The following PTPRS variants were observed in gnomAD, a reference collection of about 807,000 sequenced individuals.
PTPRS encodes protein tyrosine phosphatase receptor type S, also known as receptor-type tyrosine-protein phosphatase S.
In PTPRS, 63 loss-of-function variants were observed where a neutral mutation model predicts 215.3. That is an observed-to-expected ratio of 0.29 (90% CI 0.24 to 0.36). PTPRS has a LOEUF of 0.36. PTPRS is among the 10% of genes least tolerant of loss of function. The pLI is 1.00. For missense variants in PTPRS, 2,258 were observed against 2,825.8 expected (o/e 0.80, Z 4.56); for synonymous variants, 1,404 against 1,191.4 (o/e 1.18, Z -3.68).
At chr19:5,325,203 T>C (rs2050137266) in intron 1 of PTPRS, among the ~76,000 whole-genome samples, 1 of 152,118 alleles carries the variant, frequency 6.6e-6, no homozygotes, top group Non-Finnish European at 1.5e-5. Flanking sequence ...AGCTGACAGG[T>C]AGAGAGGAGC....
At chr19:5,326,966 C>G (rs1274031887) in intron 1 of PTPRS, among the ~76,000 whole-genome samples, 5 of 152,130 alleles carry the variant, frequency 3.3e-5, no homozygotes, top group Non-Finnish European at 7.4e-5. Flanking sequence ...TCGGCACAGA[C>G]CTAGAGAGTC....
chr19:5,214,220 T>A, intron 30 of PTPRS, 141 bp downstream of exon 30: 2 of 1,233,046 alleles, frequency 1.6e-6, no homozygotes, highest in Non-Finnish European at 1.1e-6. Context: ...GTGGGTTCCA[T>A]GAGAATGTAG....
intron 1 of PTPRS, among the ~76,000 whole-genome samples, chr19:5,305,774 TTA>T (rs2049468874): frequency 2.2e-5 from 3 of 138,860 alleles, no homozygotes; most frequent in Non-Finnish European, 3.1e-5. Context: ...TATTTTTTTT[TTA>T]AAGGCAAATT....
intron 1 of PTPRS, among the ~76,000 whole-genome samples, chr19:5,328,909 C>A (rs999344246): frequency 5.9e-5 from 9 of 152,156 alleles, no homozygotes; most frequent in African/African-American, 2.2e-4. Context: ...CTGTGAGCTG[C>A]CGAGGCAGGG....
At chr19:5,221,352 C>G (rs1051618244) in intron 19 of PTPRS, 99 bp from the exon 20 acceptor site, 29 of 1,453,990 alleles carry the variant, frequency 2.0e-5, no homozygotes, top group Non-Finnish European at 6.4e-6. Flanking sequence ...GAGCCCTGAT[C>G]CCACTGAATC....
chr19:5,263,098 T>C (rs756309712), intron 5 of PTPRS, 126 bp from the exon 6 acceptor site: 56 of 761,990 alleles, frequency 7.3e-5, no homozygotes, highest in African/African-American at 4.4e-4. Context: ...AGAATAATAA[T>C]AACAACATTT....
At chr19:5,309,835 G>A (rs10425428) in intron 1 of PTPRS, among the ~76,000 whole-genome samples, 23,866 of 151,702 alleles carry the variant, frequency 0.16, 1,896 homozygotes, top group African/African-American at 0.17. Flanking sequence ...GATCTGTGCC[G>A]TCCCCTCTGC....
At position 5,339,913 on chromosome 19, in the gene PTPRS, T is replaced by C. The variant is rs561490186; in HGVS notation, c.-95+751A>G. Among the ~76,000 whole-genome samples the C allele has an allele frequency of 2.9e-3, 444 of 151,562 alleles. 5 individuals carry two copies. Among genetic ancestry groups the C allele is most frequent in the African/African-American group, 1.0e-2 (412 of 41,386 alleles). ...GTGCGCGTCTGCCTGCCAGAGCCCC[T>C]GGGGCTGGGGGCTGAGGCTCGCCCC... On this transcript the variant is annotated intron_variant, in intron 1 of 37. Transcript: ENST00000262963. This position sits in a 1 kb window ranked among gnomAD's most constrained non-coding sequence, Gnocchi z 4.2.
chr19:5,302,375 C>T (rs188557538), intron 1 of PTPRS, among the ~76,000 whole-genome samples: 4 of 152,206 alleles, frequency 2.6e-5, no homozygotes, highest in Admixed American at 6.5e-5. Flanking sequence ...GAAACAACAA[C>T]TTTCATGCCA....
rs947853327 is a variant in PTPRS at position 5,293,987 on chromosome 19, G to T, written c.-94-7753C>A. On this transcript the variant is annotated intron_variant, in intron 1 of 37. Transcript: ENST00000262963. The surrounding 1 kb of genome is among the most constrained non-coding windows in gnomAD (Gnocchi z 8.4). ...GGCGGCCAATCCGAGCCAGCGTTGC[G>T]CCCGGGGTGCGGGTTTGAAAACTCC... Among the ~76,000 whole-genome samples, 1 of 152,192 alleles carries T rather than the reference G, an allele frequency of 6.6e-6. No homozygotes were observed.
In PTPRS at chr19:5,265,193, T is replaced by C; in HGVS notation, c.383A>G (p.Asp128Gly). ...VHAKLTVLRE[D>G]QLPSGFPNID... ...GTTGGGGAAGCCAGAGGGCAGCTGG[T>C]CCTCTGAGGGCAGAGACGTGAGAGA... The change falls in exon 5 of 38, where the codon GAC becomes GGC. Residue 128 changes from aspartate to glycine, a missense_variant. Asp to Gly is a moderately conservative substitution (Grantham distance 94). Coordinates refer to ENST00000262963, the MANE Select transcript of PTPRS (RefSeq NM_002850.4). 1 of 1,613,126 alleles carries C rather than the reference T, an allele frequency of 6.2e-7. No homozygotes were observed. Among genetic ancestry groups the C allele is most frequent in the Non-Finnish European group, 8.5e-7 (1 of 1,179,414 alleles).
chr19:5,228,294 G>A (rs1407193410), intron 16 of PTPRS, among the ~76,000 whole-genome samples: 3 of 137,824 alleles, frequency 2.2e-5, no homozygotes, highest in African/African-American at 5.6e-5. Context: ...GCAGTGAGCC[G>A]AGATGGCGCC....
chr19:5,214,192 GT>G (rs1568374525), intron 30 of PTPRS, among the ~76,000 whole-genome samples, 168 bp downstream of exon 30: 1 of 152,220 alleles, frequency 6.6e-6, no homozygotes, highest in African/African-American at 2.4e-5. Flanking sequence ...CTGAGCCTCA[GT>G]TTCCCCCTCC....
intron 7 of PTPRS, 97 bp downstream of exon 7, chr19:5,260,708 A>G: frequency 4.1e-6 from 6 of 1,480,430 alleles, no homozygotes; most frequent in East Asian, 2.3e-5. Flanking sequence ...GTGGACACGC[A>G]TGGAAGGGGG....
At position 5,244,315 on chromosome 19, in the gene PTPRS, G is replaced by A. The variant is rs2044291311; in HGVS notation, c.1156C>T (p.Arg386Cys). Residue 386 changes from arginine (R) to cysteine (C), a missense_variant, in exon 11 of 38, where the codon CGT (arginine) becomes TGT (cysteine). This residue lies in a region of PTPRS where 508 missense variants were observed against 799.4 expected (regional missense o/e 0.64). Coordinates refer to ENST00000262963, the MANE Select transcript of PTPRS (RefSeq NM_002850.4). This position sits in a 1 kb window ranked among gnomAD's most constrained non-coding sequence, Gnocchi z 7.2. Reference sequence around the variant, plus strand: ...GGGCTCAGGCCGCCGATGCTGTAACGTGTGGTGGTGATGTCCTCTTTAATC... The same window carrying A: ...GGGCTCAGGCCGCCGATGCTGTAACATGTGGTGGTGATGTCCTCTTTAATC... Reference protein sequence around the residue: ...YQIKEDITTTRYSIGGLSPNS... With the variant: ...YQIKEDITTTCYSIGGLSPNS... 2 of 1,614,166 alleles carry A rather than the reference G, an allele frequency of 1.2e-6. No individual in the cohort carries two copies. The highest frequency in any genetic ancestry group is 1.7e-6 in the Non-Finnish European group (2 of 1,180,052).
Position 5,265,119 on chromosome 19 carries a change from T to C in PTPRS, c.457A>G (p.Thr153Ala). ...LKVVERTRTA[T>A]MLCAASGNPD... ...TTGCCGCTGGCTGCACAGAGCATGG[T>C]GGCTGTCCGTGTCCGCTCCACCACC... Residue 153 changes from threonine to alanine, a missense_variant, in exon 5 of 38, where the codon ACC becomes GCC. By Grantham distance (58) the Thr-to-Ala change is moderately conservative. Around this residue, in one of 6 missense-constraint regions of PTPRS, gnomAD observed 508 missense variants for 799.4 expected, o/e 0.64. Transcript: ENST00000262963. 1 of 1,614,176 alleles carries C rather than the reference T, an allele frequency of 6.2e-7. No homozygotes were observed. Among genetic ancestry groups the C allele is most frequent in the Non-Finnish European group, 8.5e-7 (1 of 1,180,028 alleles).
At chr19:5,330,157 C>T (rs1242318665) in intron 1 of PTPRS, among the ~76,000 whole-genome samples, 1 of 151,988 alleles carries the variant, frequency 6.6e-6, no homozygotes, top group African/African-American at 2.4e-5. Flanking sequence ...CCCTTCTGAT[C>T]GTGGGCCCCC....
intron 4 of PTPRS, among the ~76,000 whole-genome samples, chr19:5,268,213 T>C (rs2046600222): frequency 6.6e-6 from 1 of 152,022 alleles, no homozygotes; most frequent in African/African-American, 2.4e-5. Flanking sequence ...TAAATAAAGT[T>C]TTATTGGCAC....
rs1189944115 is a variant in PTPRS, at chr19:5,339,599, A to G, written c.-95+1065T>C. Among the ~76,000 whole-genome samples, 1 of 151,864 alleles carries G rather than the reference A, an allele frequency of 6.6e-6. No individual in the cohort carries two copies. The highest frequency in any genetic ancestry group is 2.4e-5 in the African/African-American group (1 of 41,348). ...CGAAGGGGAGGATCTTAATTTTAGGAGAGATTCCCATAAAGAGAGGTGAAC... is the reference window on the plus strand; with the variant it reads ...CGAAGGGGAGGATCTTAATTTTAGGGGAGATTCCCATAAAGAGAGGTGAAC... On this transcript the variant is annotated intron_variant, in intron 1 of 37. Coordinates refer to ENST00000262963, the MANE Select transcript of PTPRS (RefSeq NM_002850.4). This position sits in a 1 kb window ranked among gnomAD's most constrained non-coding sequence, Gnocchi z 4.2.
Sources: gnomAD v4.1 joint callset for allele counts (sites outside exome capture counted in the v4.1 genomes callset) on GRCh38, gnomAD v4.1.1 for gene constraint, gnomAD v4.1.1 regional missense constraint, Gnocchi (gnomAD v3.1) non-coding constraint, MANE v1.5 for transcripts, NCBI Gene and HGNC (gene_info 2026-07-23, HGNC 2026-07-21) for gene names.